Variants in MAPK8IP3 observed in about 807,000 individuals in gnomAD.
MAPK8IP3 encodes mitogen-activated protein kinase 8 interacting protein 3.
MAPK8IP3 carries 49 observed loss-of-function variants against 157.8 expected under a neutral mutation model. That is an observed-to-expected ratio of 0.31 (90% CI 0.25 to 0.39). The LOEUF (loss-of-function observed/expected upper bound fraction) is 0.39, where lower values mean the gene tolerates loss of function less well. Ranked by LOEUF, MAPK8IP3 falls within the 10% of genes least tolerant of loss-of-function variation. The probability of loss-of-function intolerance (pLI) is 1.00; values close to 1 mark genes in which losing one functional copy is unlikely to be tolerated. For synonymous variants in MAPK8IP3, 897 were observed against 777.7 expected (o/e 1.15, Z -2.55); for missense variants, 1,478 against 1,889.4 (o/e 0.78, Z 4.04).
chr16:1,767,464 C>T, intron 26 of MAPK8IP3, 100 bp from the exon 27 acceptor site: 2 of 1,514,312 alleles, frequency 1.3e-6, no homozygotes, highest in Admixed American at 1.7e-5. Flanking sequence ...GCTGGGAGGT[C>T]TGAGGGGACT....
chr16:1,737,608 C>G (rs1171559774), intron 4 of MAPK8IP3, among the ~76,000 whole-genome samples: 1 of 70,584 alleles, frequency 1.4e-5, no homozygotes, highest in Non-Finnish European at 2.7e-5. Context: ...GAGCGTGTGA[C>G]CGTCCGTGTG....
chr16:1,722,593 A>G (rs897927357), intron 1 of MAPK8IP3, among the ~76,000 whole-genome samples: 2 of 152,134 alleles, frequency 1.3e-5, no homozygotes, highest in Non-Finnish European at 2.9e-5. Context: ...GGCTGGGTGC[A>G]GTCGCTCAGG....
rs1224154306 is a variant in MAPK8IP3, at chr16:1,710,465, C to T, written c.318+3808C>T. Among the ~76,000 whole-genome samples the T allele has an allele frequency of 6.6e-6, 1 of 152,086 alleles. No individual in the cohort carries two copies. The highest frequency in any genetic ancestry group is 2.4e-5 in the African/African-American group (1 of 41,394). On this transcript the variant is annotated intron_variant, in intron 1 of 31. Transcript: ENST00000610761. The surrounding 1 kb of genome is among the most constrained non-coding windows in gnomAD (Gnocchi z 4.1). ...TCCAGCCTGGGCAACAAGAGTGAGA[C>T]TCTGTCTCAAAATAAATAAATAGAT... is the stretch of plus-strand genomic sequence containing the variant.
intron 2 of MAPK8IP3, among the ~76,000 whole-genome samples, chr16:1,728,767 A>G (rs1367306228): frequency 7.2e-6 from 1 of 139,368 alleles, no homozygotes; most frequent in Admixed American, 7.2e-5. Context: ...CGGCCTTCAC[A>G]GAGCTGAGTG....
chr16:1,729,455 C>G (rs1415687421), intron 3 of MAPK8IP3, 32 bp from the exon 4 acceptor site: 4 of 1,585,726 alleles, frequency 2.5e-6, no homozygotes, highest in Non-Finnish European at 2.6e-6. Context: ...CCCCCCACGG[C>G]AGCGCTAATG....
At chr16:1,720,880 A>G (rs1016559055) in intron 1 of MAPK8IP3, among the ~76,000 whole-genome samples, 1 of 152,114 alleles carries the variant, frequency 6.6e-6, no homozygotes, top group African/African-American at 2.4e-5. Flanking sequence ...TAAAAATACA[A>G]AGAATTAGCT....
intron 1 of MAPK8IP3, among the ~76,000 whole-genome samples, chr16:1,712,457 G>A (rs570913022): frequency 1.3e-3 from 204 of 152,098 alleles, no homozygotes; most frequent in African/African-American, 4.7e-3. Flanking sequence ...CACTCCCACC[G>A]CCGCCACTTT....
chr16:1,722,428 G>A (rs2038587726), intron 1 of MAPK8IP3, among the ~76,000 whole-genome samples: 1 of 152,214 alleles, frequency 6.6e-6, no homozygotes, highest in Non-Finnish European at 1.5e-5. Context: ...GCGTCGAGGA[G>A]CCTAGTATCC....
intron 4 of MAPK8IP3, among the ~76,000 whole-genome samples, chr16:1,736,713 AGCGTGTGACCGTCCGTGTGAGC>A (rs2039896248): frequency 6.7e-5 from 3 of 44,606 alleles, no homozygotes; most frequent in Admixed American, 4.1e-4. Flanking sequence ...CGTCCGTGTG[AGCGTGTGACCGTCCGTGTGAGC>A]GTGTGACCAT....
intron 1 of MAPK8IP3, chr16:1,707,457 T>A (rs2037474968): frequency 6.6e-6 from 1 of 152,260 alleles, no homozygotes; most frequent in Non-Finnish European, 1.5e-5. Flanking sequence ...GTTAACAGTC[T>A]GAGTTTGAAG....
chr16:1,717,352 A>G (rs1277814522), intron 1 of MAPK8IP3, among the ~76,000 whole-genome samples: 2 of 152,188 alleles, frequency 1.3e-5, no homozygotes, highest in East Asian at 1.9e-4. Flanking sequence ...GGGGAAGTAC[A>G]TCTTAAAAAC....
intron 4 of MAPK8IP3, among the ~76,000 whole-genome samples, chr16:1,740,418 G>A (rs759004044): frequency 4.7e-5 from 7 of 148,800 alleles, no homozygotes; most frequent in South Asian, 2.2e-4. Context: ...GTGTGCACAC[G>A]CTGCTGCCCA....
At position 1,743,169 on chromosome 16, in the gene MAPK8IP3, G is replaced by A. The variant is rs2040776150; in HGVS notation, c.603-163G>A. Among the ~76,000 whole-genome samples the A allele has an allele frequency of 6.6e-6, 1 of 151,922 alleles. No individual in the cohort carries two copies. The highest frequency in any genetic ancestry group is 1.5e-5 in the Non-Finnish European group (1 of 67,974). On this transcript the variant is annotated intron_variant, in intron 4 of 31. Coordinates refer to ENST00000610761, the MANE Select transcript of MAPK8IP3 (RefSeq NM_001318852.2). The surrounding 1 kb of genome is among the most constrained non-coding windows in gnomAD (Gnocchi z 5.6). ...TGAGAAACTGCAGCATCATGGGAGG[G>A]GAAGCGCCACGTAGGATCATAACTG... is the stretch of plus-strand genomic sequence containing the variant.
chr16:1,756,375 G>A (rs554783859), intron 8 of MAPK8IP3, among the ~76,000 whole-genome samples: 2 of 152,044 alleles, frequency 1.3e-5, no homozygotes, highest in Admixed American at 1.3e-4. Flanking sequence ...GCATGGTGGT[G>A]TGCACCCATG....
intron 9 of MAPK8IP3, 33 bp downstream of exon 9, chr16:1,758,192 C>T: frequency 6.2e-7 from 1 of 1,612,590 alleles, no homozygotes; most frequent in Non-Finnish European, 8.5e-7. Flanking sequence ...TGTCTCCCCT[C>T]TGTGTGACGG....
At chr16:1,758,679 C>T (rs2041761023) in intron 9 of MAPK8IP3, among the ~76,000 whole-genome samples, 1 of 152,250 alleles carries the variant, frequency 6.6e-6, no homozygotes, top group African/African-American at 2.4e-5. Context: ...TGCCTTCTGC[C>T]CTCAGCCCCA....
rs751549342 is a variant in MAPK8IP3 at position 1,766,242 on chromosome 16, C to A, written c.2652C>A (p.Asn884Lys). 6.2e-7 allele frequency: 1 copy of A among 1,610,346 alleles called. No individual in the cohort carries two copies. The highest frequency in any genetic ancestry group is 8.5e-7 in the Non-Finnish European group (1 of 1,178,454). Reference protein sequence around the residue: ...KGQGEVATIANGKVNPSQSTE... With the variant: ...KGQGEVATIAKGKVNPSQSTE... Reference sequence around the variant, plus strand: ...CAGGGGAGGTGGCCACCATCGCCAACGGGAAGGTCAACCCGTCCCAGTCCA... The same window carrying A: ...CAGGGGAGGTGGCCACCATCGCCAAAGGGAAGGTCAACCCGTCCCAGTCCA... The change falls in exon 22 of 32, where the codon AAC becomes AAA. Residue 884 changes from asparagine to lysine, a missense_variant. Physicochemically the swap from Asn to Lys is moderately conservative, Grantham distance 94. Transcript: ENST00000610761.
Position 1,750,708 on chromosome 16 carries a change from G to A in MAPK8IP3, c.1216+1988G>A, listed in dbSNP as rs568872246. ...GGGCCAGGCTGGAGTGCAGTGGTGC[G>A]ATCTCGGCTCACTGCAACCTCTGCC... On this transcript the variant is annotated intron_variant, in intron 8 of 31. Coordinates refer to ENST00000610761, the MANE Select transcript of MAPK8IP3 (RefSeq NM_001318852.2). 1.2e-3 allele frequency among the ~76,000 whole-genome samples: 176 copies of A among 150,346 alleles called. 3 individuals carry two copies. Among genetic ancestry groups the A allele is most frequent in the Non-Finnish European group, 3.4e-4 (23 of 67,580 alleles).
chr16:1,707,312 G>A (rs2037466512), intron 1 of MAPK8IP3: 1 of 152,220 alleles, frequency 6.6e-6, no homozygotes, highest in Non-Finnish European at 1.5e-5. Context: ...AAGGCCGCAG[G>A]CGGGCTGCTC....
Sources: gnomAD v4.1 joint callset for allele counts (sites outside exome capture counted in the v4.1 genomes callset) on GRCh38, gnomAD v4.1.1 for gene constraint, Gnocchi (gnomAD v3.1) non-coding constraint, MANE v1.5 for transcripts, NCBI Gene and HGNC (gene_info 2026-07-23, HGNC 2026-07-21) for gene names.